Variants in KHDRBS2 observed in about 807,000 individuals in gnomAD.
KHDRBS2 encodes the protein KH RNA binding domain containing, signal transduction associated 2, also known as KH domain-containing, RNA-binding, signal transduction-associated protein 2.
In KHDRBS2, 26 loss-of-function variants were observed where a neutral mutation model predicts 44.3. The observed-to-expected ratio is 0.59, with a 90% CI of 0.43 to 0.81. The LOEUF is 0.81. Ranked by LOEUF, KHDRBS2 falls within the 40% of genes least tolerant of loss-of-function variation. KHDRBS2 has a pLI of 0.00. For synonymous variants in KHDRBS2, 194 were observed against 151.1 expected (o/e 1.28, Z -2.08); for missense variants, 476 against 433.1 (o/e 1.10, Z -0.88).
At position 62,248,834 on chromosome 6, in the gene KHDRBS2, C is replaced by T. The variant is rs1367216529; in HGVS notation, c.91+37024G>A. Among the ~76,000 whole-genome samples, 7 of 151,970 alleles carry T rather than the reference C, an allele frequency of 4.6e-5. No homozygotes were observed. The East Asian group carries it at 5.8e-4, about 13-fold the overall frequency. On this transcript the variant is annotated intron_variant, in intron 1 of 8. Coordinates refer to ENST00000281156, the MANE Select transcript of KHDRBS2 (RefSeq NM_152688.4). ...TGTACCATTGCCACTGCAAACACAG[C>T]AAGACAACTACAGGGTAAGCGAAGT...
At chr6:61,649,740 C>T in the KHDRBS2 span, among the ~76,000 whole-genome samples, 154 of 152,162 alleles carry the variant, frequency 1.0e-3, no homozygotes, top group African/African-American at 3.6e-3. Context: ...TCCTAATTGT[C>T]TCTCATCTCT....
At chr6:61,682,136 C>T (rs1168586413) in intron 8 of KHDRBS2, among the ~76,000 whole-genome samples, 1 of 151,880 alleles carries the variant, frequency 6.6e-6, no homozygotes, top group Non-Finnish European at 1.5e-5. Flanking sequence ...CAGATAGTTC[C>T]TCCGATCATA....
intron 4 of KHDRBS2, among the ~76,000 whole-genome samples, chr6:61,904,658 A>G (rs78675839): frequency 0.019 from 2,934 of 152,286 alleles, 34 homozygotes; most frequent in Non-Finnish European, 0.031. Context: ...GGATTCCTCT[A>G]ACTATGCCTC....
the KHDRBS2 span, among the ~76,000 whole-genome samples, chr6:61,586,252 A>T: frequency 9.2e-5 from 14 of 152,166 alleles, no homozygotes; most frequent in African/African-American, 3.1e-4. Flanking sequence ...ACAGCTACAC[A>T]AGCTTCAAGG....
the KHDRBS2 span, among the ~76,000 whole-genome samples, chr6:61,573,186 G>A: frequency 6.6e-6 from 1 of 152,108 alleles, no homozygotes; most frequent in Non-Finnish European, 1.5e-5. Flanking sequence ...TGATGAAGCT[G>A]AGAAACAAAT....
chr6:62,233,751 G>C (rs1331683520), intron 1 of KHDRBS2, among the ~76,000 whole-genome samples: 1 of 152,074 alleles, frequency 6.6e-6, no homozygotes, highest in African/African-American at 2.4e-5. Context: ...TTGGTTTTCT[G>C]TTCCTGGGTT....
intron 7 of KHDRBS2, among the ~76,000 whole-genome samples, chr6:61,728,086 A>G (rs1013039580): frequency 1.3e-5 from 2 of 152,162 alleles, no homozygotes; most frequent in Non-Finnish European, 2.9e-5. Context: ...GTACATATAC[A>G]TCATGGAATA....
intron 1 of KHDRBS2, among the ~76,000 whole-genome samples, chr6:62,251,344 C>A (rs1836493996): frequency 6.6e-6 from 1 of 151,486 alleles, no homozygotes; most frequent in Non-Finnish European, 1.5e-5. Context: ...ATTAAAAAAC[C>A]ACAAATATGT....
At chr6:61,631,073 A>G in the KHDRBS2 span, among the ~76,000 whole-genome samples, 2 of 152,048 alleles carry the variant, frequency 1.3e-5, no homozygotes, top group African/African-American at 2.4e-5. Flanking sequence ...AGAAACATAA[A>G]GAAAGATAAG....
chr6:61,690,106 T>G (rs1767229755), intron 8 of KHDRBS2, among the ~76,000 whole-genome samples: 1 of 152,000 alleles, frequency 6.6e-6, no homozygotes, highest in Admixed American at 6.6e-5. Context: ...TTTTTTTCTT[T>G]TAATCATGCT....
chr6:61,871,020 C>T (rs1334594234), intron 6 of KHDRBS2, among the ~76,000 whole-genome samples: 2 of 152,216 alleles, frequency 1.3e-5, no homozygotes, highest in Admixed American at 1.3e-4. Flanking sequence ...GACGCACTGA[C>T]AGAAGTAGGC....
At chr6:61,883,189 T>C (rs1315060915) in intron 6 of KHDRBS2, among the ~76,000 whole-genome samples, 1 of 151,942 alleles carries the variant, frequency 6.6e-6, no homozygotes, top group African/African-American at 2.4e-5. Flanking sequence ...GAAAATAATA[T>C]AGCCTAAAAT....
chr6:61,797,910 G>T (rs1785635636), intron 6 of KHDRBS2, among the ~76,000 whole-genome samples: 1 of 151,970 alleles, frequency 6.6e-6, no homozygotes, highest in African/African-American at 2.4e-5. Context: ...GTGTAGTTTT[G>T]TTAGATGGAT....
the KHDRBS2 span, among the ~76,000 whole-genome samples, chr6:61,560,985 AC>A: frequency 6.6e-6 from 1 of 152,114 alleles, no homozygotes; most frequent in Admixed American, 6.5e-5. Context: ...ATTCACAGGT[AC>A]TTGGGTGCTG....
intron 1 of KHDRBS2, among the ~76,000 whole-genome samples, chr6:62,227,470 CAG>C (rs750667280): frequency 6.6e-6 from 1 of 152,134 alleles, no homozygotes; most frequent in African/African-American, 2.4e-5. Flanking sequence ...CTTCAGCAAA[CAG>C]AGACGATTTG....
chr6:62,203,384 G>A (rs1307805932), intron 1 of KHDRBS2, among the ~76,000 whole-genome samples: 1 of 152,106 alleles, frequency 6.6e-6, no homozygotes, highest in Non-Finnish European at 1.5e-5. Flanking sequence ...ATGGAGAGAA[G>A]TGAAATAACT....
At chr6:62,275,263 A>G (rs1438832891) in intron 1 of KHDRBS2, among the ~76,000 whole-genome samples, 5 of 152,120 alleles carry the variant, frequency 3.3e-5, no homozygotes, top group Admixed American at 6.6e-5. Flanking sequence ...TTCCAAAGCA[A>G]TATCATAATA....
downstream of KHDRBS2, among the ~76,000 whole-genome samples, chr6:61,676,011 C>T (rs1407604339): frequency 6.6e-6 from 1 of 151,788 alleles, no homozygotes; most frequent in East Asian, 2.0e-4. Flanking sequence ...TGTTTGACAA[C>T]TTTGGGAGCC....
chr6:61,583,503 G>C, the KHDRBS2 span, among the ~76,000 whole-genome samples: 1 of 151,530 alleles, frequency 6.6e-6, no homozygotes, highest in African/African-American at 2.4e-5. Flanking sequence ...GAATTACTTT[G>C]ACATCATTGT....
Sources: gnomAD v4.1 joint callset for allele counts (sites outside exome capture counted in the v4.1 genomes callset) on GRCh38, gnomAD v4.1.1 for gene constraint, MANE v1.5 for transcripts, NCBI Gene and HGNC (gene_info 2026-07-23, HGNC 2026-07-21) for gene names.